The following CADM2 variants were observed in gnomAD, a reference collection of about 807,000 sequenced individuals.
CADM2 encodes immunoglobulin superfamily member 4D.
In CADM2, 12 loss-of-function variants were observed where a neutral mutation model predicts 49.8. That is an observed-to-expected ratio of 0.24 (90% CI 0.15 to 0.39). The LOEUF (loss-of-function observed/expected upper bound fraction) is 0.39, where lower values mean the gene tolerates loss of function less well. Among genes scored for constraint, CADM2 ranks in the 10% least tolerant of loss-of-function variants. The pLI is 1.00. For synonymous variants in CADM2, 214 were observed against 175.4 expected (o/e 1.22, Z -1.74); for missense variants, 378 against 492.3 (o/e 0.77, Z 2.20).
At chr3:85,897,330 C>T (rs1458926023) in intron 5 of CADM2, among the ~76,000 whole-genome samples, 4 of 125,182 alleles carry the variant, frequency 3.2e-5, no homozygotes, top group African/African-American at 1.2e-4. Context: ...ACTGCAGTGG[C>T]GCAATCTCGG....
At chr3:85,349,902 C>A (rs1376938363) in intron 1 of CADM2, among the ~76,000 whole-genome samples, 1 of 152,130 alleles carries the variant, frequency 6.6e-6, no homozygotes, top group East Asian at 1.9e-4. Flanking sequence ...TTGGTAGAAA[C>A]AGCAAGGTGG....
At chr3:85,276,528 C>T (rs567752534) in intron 1 of CADM2, among the ~76,000 whole-genome samples, 40 of 151,334 alleles carry the variant, frequency 2.6e-4, no homozygotes, top group African/African-American at 8.2e-4. Flanking sequence ...TGTTAATTTT[C>T]ATTAGTATTG....
At chr3:85,428,967 A>G (rs900104997) in intron 1 of CADM2, among the ~76,000 whole-genome samples, 12 of 151,948 alleles carry the variant, frequency 7.9e-5, no homozygotes, top group African/African-American at 1.9e-4. Flanking sequence ...TCTCTGATCA[A>G]TACTTTAAAT....
chr3:85,039,119 A>G (rs1161020882), intron 1 of CADM2, among the ~76,000 whole-genome samples: 6 of 152,150 alleles, frequency 3.9e-5, no homozygotes, highest in East Asian at 3.9e-4. Flanking sequence ...CTCCTGCCTC[A>G]GCCTCCCGAG....
chr3:85,610,977 A>G (rs536382502), intron 1 of CADM2, among the ~76,000 whole-genome samples: 3 of 151,940 alleles, frequency 2.0e-5, no homozygotes, highest in Admixed American at 1.3e-4. Flanking sequence ...TGGAGGACAG[A>G]TTAATTGACT....
chr3:85,162,659 C>T (rs2040362080), intron 1 of CADM2, among the ~76,000 whole-genome samples: 2 of 152,092 alleles, frequency 1.3e-5, no homozygotes, highest in South Asian at 4.1e-4. Flanking sequence ...GACATCTATA[C>T]ACTGTTATTA....
chr3:85,296,759 G>A (rs533391471), intron 1 of CADM2, among the ~76,000 whole-genome samples: 3 of 151,948 alleles, frequency 2.0e-5, no homozygotes, highest in South Asian at 4.2e-4. Context: ...AAATTACCAC[G>A]ACTTTCTACT....
chr3:85,923,102 C>T (rs1470218361), intron 6 of CADM2, among the ~76,000 whole-genome samples: 2 of 152,042 alleles, frequency 1.3e-5, no homozygotes, highest in African/African-American at 2.4e-5. Flanking sequence ...GGATTACAAG[C>T]GTGAGCCACC....
At chr3:85,119,620 T>C (rs1388681429) in intron 1 of CADM2, among the ~76,000 whole-genome samples, 3 of 152,218 alleles carry the variant, frequency 2.0e-5, no homozygotes, top group African/African-American at 7.2e-5. Context: ...TATTGATTCT[T>C]CCTATCCATG....
intron 2 of CADM2, among the ~76,000 whole-genome samples, chr3:85,754,290 C>A (rs545121039): frequency 6.6e-6 from 1 of 152,144 alleles, no homozygotes; most frequent in Non-Finnish European, 1.5e-5. Context: ...TCCCTGACAC[C>A]AGGTGCAACC....
chr3:85,845,607 G>A (rs1047046386), intron 3 of CADM2, among the ~76,000 whole-genome samples: 1 of 152,168 alleles, frequency 6.6e-6, no homozygotes, highest in South Asian at 2.1e-4. Context: ...ATAAAGACAT[G>A]GTAATCCCAG....
At chr3:85,748,235 C>T (rs990444779) in intron 2 of CADM2, among the ~76,000 whole-genome samples, 3 of 151,856 alleles carry the variant, frequency 2.0e-5, no homozygotes, top group African/African-American at 7.3e-5. Context: ...TCATACTGCT[C>T]TTAATAGGCC....
intron 5 of CADM2, among the ~76,000 whole-genome samples, chr3:85,890,848 A>T (rs1198406063): frequency 6.6e-6 from 1 of 152,200 alleles, no homozygotes; most frequent in Non-Finnish European, 1.5e-5. Context: ...ACTTTGAAGA[A>T]ATGAATTTCA....
chr3:84,990,400 A>G (rs2032816029), intron 1 of CADM2, among the ~76,000 whole-genome samples: 1 of 151,828 alleles, frequency 6.6e-6, no homozygotes, highest in South Asian at 2.1e-4. Flanking sequence ...TAACTGGGAT[A>G]TCACTAGATT....
At chr3:84,987,304 A>C (rs916664098) in intron 1 of CADM2, among the ~76,000 whole-genome samples, 7 of 151,950 alleles carry the variant, frequency 4.6e-5, no homozygotes, top group African/African-American at 1.7e-4. Flanking sequence ...AGACTACACA[A>C]GGAACTCTTC....
rs554120227 is a variant in CADM2, at chr3:85,627,279, G to A, written c.62-99243G>A. On this transcript the variant is annotated intron_variant, in intron 1 of 9. Coordinates refer to ENST00000383699, the MANE Select transcript of CADM2 (RefSeq NM_001167675.2). ...GTAATTCTTTCTGCTTTCTTTCAGAGAATATTTCACCTTCCCTGCAGAGAT... is the reference window on the plus strand; with the variant it reads ...GTAATTCTTTCTGCTTTCTTTCAGAAAATATTTCACCTTCCCTGCAGAGAT... 9.9e-5 allele frequency among the ~76,000 whole-genome samples: 15 copies of A among 152,066 alleles called. No homozygotes were observed. The South Asian group carries it at 2.9e-3, about 29-fold the overall frequency.
intron 3 of CADM2, among the ~76,000 whole-genome samples, chr3:85,827,438 A>T (rs559687711): frequency 7.3e-6 from 1 of 137,760 alleles, no homozygotes; most frequent in African/African-American, 2.7e-5. Flanking sequence ...GTGTAGATCC[A>T]TAGAGACAGT....
chr3:85,258,667 T>C (rs13089063), intron 1 of CADM2, among the ~76,000 whole-genome samples: 1 of 152,112 alleles, frequency 6.6e-6, no homozygotes, highest in African/African-American at 2.4e-5. Flanking sequence ...AAGATAATGC[T>C]TTCTTTTTCT....
In CADM2 at chr3:85,791,826, C is replaced by T. The variant is rs562503475; in HGVS notation, c.89-10221C>T. On this transcript the variant is annotated intron_variant, in intron 2 of 9. Coordinates refer to ENST00000383699, the MANE Select transcript of CADM2 (RefSeq NM_001167675.2). ...GCAAGCTCCACCTCCTGGGTTCACGCCATTCTCCTGCCTCAGCCTCCCGAG... is the reference window on the plus strand; with the variant it reads ...GCAAGCTCCACCTCCTGGGTTCACGTCATTCTCCTGCCTCAGCCTCCCGAG... Among the ~76,000 whole-genome samples the T allele has an allele frequency of 3.9e-5, 6 of 152,212 alleles. No individual in the cohort carries two copies. In the South Asian group the frequency reaches 1.2e-3, roughly 32 times the overall value.
Sources: gnomAD v4.1 joint callset for allele counts (sites outside exome capture counted in the v4.1 genomes callset) on GRCh38, gnomAD v4.1.1 for gene constraint, MANE v1.5 for transcripts, NCBI Gene and HGNC (gene_info 2026-07-23, HGNC 2026-07-21) for gene names.